Variants in MEF2A observed in about 807,000 individuals in gnomAD.
MEF2A encodes myocyte enhancer factor 2A.
A neutral mutation model predicts 55.8 loss-of-function variants in MEF2A; 28 were observed. That is an observed-to-expected ratio of 0.50 (90% CI 0.37 to 0.69). MEF2A has a LOEUF of 0.69. Ranked by LOEUF, MEF2A falls within the 30% of genes least tolerant of loss-of-function variation. MEF2A has a pLI of 0.00. For missense variants in MEF2A, 528 were observed against 626.2 expected (o/e 0.84, Z 1.67); for synonymous variants, 239 against 227.1 (o/e 1.05, Z -0.47).
At chr15:99,600,620 T>A (rs1354878619) in intron 2 of MEF2A, among the ~76,000 whole-genome samples, 1 of 152,146 alleles carries the variant, frequency 6.6e-6, no homozygotes, top group Non-Finnish European at 1.5e-5. Context: ...TTTCTTTGAA[T>A]ATAGATATCA....
In MEF2A at chr15:99,669,900, T is replaced by G. The variant is rs186844270; in HGVS notation, c.259-1423T>G. Among the ~76,000 whole-genome samples, 336 of 152,346 alleles carry G rather than the reference T, an allele frequency of 2.2e-3. 2 individuals are homozygous for G. Among genetic ancestry groups the G allele is most frequent in the African/African-American group, 7.3e-3 (302 of 41,588 alleles). On this transcript the variant is annotated intron_variant, in intron 4 of 11. Coordinates refer to ENST00000557942, the MANE Select transcript of MEF2A (RefSeq NM_001319206.4). ...TATCTTTAGATCTAATTTAATCGTT[T>G]ATTGATGAACTTCTCTGGGACTAGT...
intron 4 of MEF2A, among the ~76,000 whole-genome samples, chr15:99,663,193 C>G (rs2048972472): frequency 6.6e-6 from 1 of 151,932 alleles, no homozygotes; most frequent in South Asian, 2.1e-4. Flanking sequence ...TGTCAAGATT[C>G]CAGAAAATGC....
chr15:99,655,814 G>T (rs563245609), intron 4 of MEF2A, among the ~76,000 whole-genome samples: 135 of 152,122 alleles, frequency 8.9e-4, no homozygotes, highest in Non-Finnish European at 1.8e-3. Context: ...TATTATTATA[G>T]AGAGAGAGAA....
chr15:99,584,091 G>A (rs567225899), intron 1 of MEF2A, among the ~76,000 whole-genome samples: 2 of 152,020 alleles, frequency 1.3e-5, no homozygotes, highest in Non-Finnish European at 2.9e-5. Context: ...ATATCTAAAC[G>A]TGGAAAGGGT....
chr15:99,700,048 C>T (rs1211545045), intron 8 of MEF2A, among the ~76,000 whole-genome samples: 2 of 143,010 alleles, frequency 1.4e-5, no homozygotes, highest in Non-Finnish European at 3.0e-5. Context: ...TTAGTAGAGA[C>T]GGGGTTTCGC....
At chr15:99,610,634 A>G (rs913847160) in intron 2 of MEF2A, among the ~76,000 whole-genome samples, 1 of 152,066 alleles carries the variant, frequency 6.6e-6, no homozygotes, top group African/African-American at 2.4e-5. Flanking sequence ...GAGTCTAGAA[A>G]TAAACCCATG....
At position 99,712,536 on chromosome 15, in the gene MEF2A, A is replaced by AGCAGCC. The variant is rs781490399; in HGVS notation, c.1285_1286insAGCCGC (p.Gln428_Pro429insGlnPro). The stretch of plus-strand genomic sequence containing the variant: ...CAGCAGCAGCAGCAGCAGCAGCAGC[A>AGCAGCC]GCCGCCGCCACCACCGCAGCCCCAG... On this transcript the variant is annotated inframe_insertion, in exon 12 of 12. Coordinates refer to ENST00000557942, the MANE Select transcript of MEF2A (RefSeq NM_001319206.4). The surrounding 1 kb of genome is among the most constrained non-coding windows in gnomAD (Gnocchi z 4.1). The AGCAGCC allele has an allele frequency of 8.5e-4, 1,169 of 1,380,084 alleles. 5 individuals carry two copies. In the African/African-American group the frequency reaches 0.016, roughly 19 times the overall value. 85.5% of individuals were successfully genotyped at this position (1,380,084 alleles called of 1,614,324 possible).
intron 2 of MEF2A, among the ~76,000 whole-genome samples, chr15:99,614,959 A>G (rs2039947320): frequency 6.6e-6 from 1 of 152,158 alleles, no homozygotes; most frequent in Non-Finnish European, 1.5e-5. Context: ...AGGCCATGTT[A>G]AAGGCTTGGG....
chr15:99,596,243 A>G (rs966793707), intron 1 of MEF2A, among the ~76,000 whole-genome samples: 6 of 152,162 alleles, frequency 3.9e-5, no homozygotes, highest in Admixed American at 2.0e-4. Flanking sequence ...CTTGTTTGCC[A>G]TGGGCCAAAT....
At chr15:99,627,249 G>A (rs553066348) in intron 2 of MEF2A, among the ~76,000 whole-genome samples, 5 of 151,556 alleles carry the variant, frequency 3.3e-5, no homozygotes, top group East Asian at 1.9e-4. Context: ...GGTGAACCCC[G>A]CCTCTACTAA....
At chr15:99,583,191 A>G (rs1966438415) in intron 1 of MEF2A, among the ~76,000 whole-genome samples, 3 of 152,060 alleles carry the variant, frequency 2.0e-5, no homozygotes. Flanking sequence ...CTATTTCGAT[A>G]TAGATTAGAT....
chr15:99,665,927 T>A (rs1882393409), intron 4 of MEF2A, among the ~76,000 whole-genome samples: 1 of 151,998 alleles, frequency 6.6e-6, no homozygotes, highest in Admixed American at 6.6e-5. Context: ...CATTAAAAAG[T>A]CAGGAAACAA....
At position 99,714,195 on chromosome 15, in the gene MEF2A, T is replaced by TAA. The variant is rs1000502035; in HGVS notation, c.*1425_*1426dup. 6.9e-6 allele frequency: 1 copy of TAA among 145,492 alleles called. No individual in the cohort carries two copies. The highest frequency in any genetic ancestry group is 1.6e-5 in the Non-Finnish European group (1 of 64,050). 9.0% of individuals were successfully genotyped at this position (145,492 alleles called of 1,614,324 possible). On this transcript the variant is annotated 3_prime_UTR_variant, in exon 12 of 12. Coordinates refer to ENST00000557942, the MANE Select transcript of MEF2A (RefSeq NM_001319206.4). Reference sequence around the variant, plus strand: ...GCAAAGTGGCAAAAAAAATTGGTGTTAAGTTCATCCTGCATAAGTATAAAA... The same window carrying TAA: ...GCAAAGTGGCAAAAAAAATTGGTGTTAAAAGTTCATCCTGCATAAGTATAAAA...
chr15:99,706,244 A>G (rs904423475), intron 9 of MEF2A, among the ~76,000 whole-genome samples: 1 of 152,270 alleles, frequency 6.6e-6, no homozygotes, highest in Non-Finnish European at 1.5e-5. Flanking sequence ...ATAAGAATAC[A>G]AGCTGCACCC....
intron 2 of MEF2A, among the ~76,000 whole-genome samples, chr15:99,611,275 A>G (rs1977196649): frequency 6.6e-6 from 1 of 152,208 alleles, no homozygotes; most frequent in African/African-American, 2.4e-5. Context: ...GATGAGTGGG[A>G]GAAGGTATTT....
chr15:99,644,153 A>G (rs1261408114), intron 3 of MEF2A, among the ~76,000 whole-genome samples: 1 of 152,228 alleles, frequency 6.6e-6, no homozygotes, highest in Non-Finnish European at 1.5e-5. Context: ...CAGAGAAAAC[A>G]TAAGGTTTTG....
At chr15:99,583,459 G>C (rs1016109943) in intron 1 of MEF2A, among the ~76,000 whole-genome samples, 1 of 152,080 alleles carries the variant, frequency 6.6e-6, no homozygotes, top group Non-Finnish European at 1.5e-5. Context: ...AAGTACAAAA[G>C]ATTACATTTT....
At chr15:99,692,119 C>A (rs1192473546) in intron 8 of MEF2A, among the ~76,000 whole-genome samples, 1 of 152,190 alleles carries the variant, frequency 6.6e-6, no homozygotes. Flanking sequence ...TGCTGTCAGG[C>A]TTAGATAATA....
intron 2 of MEF2A, among the ~76,000 whole-genome samples, chr15:99,632,625 A>G (rs374467839): frequency 6.6e-6 from 1 of 152,212 alleles, no homozygotes; most frequent in African/African-American, 2.4e-5. Flanking sequence ...GGTAATAATT[A>G]TAGATTGCTA....
Sources: allele counts gnomAD v4.1 joint callset (sites outside exome capture counted in the v4.1 genomes callset), GRCh38; gene constraint gnomAD v4.1.1; non-coding constraint Gnocchi (gnomAD v3.1); transcripts MANE v1.5; gene names NCBI Gene and HGNC (gene_info 2026-07-23, HGNC 2026-07-21).